Variants in RMP64 observed in about 807,000 individuals in gnomAD.
The protein encoded by RMP64 is ribonuclease MRP subunit p64.
the RMP64 span, chr3:113,013,245 G>A: frequency 1.4e-4 from 225 of 1,606,148 alleles, no homozygotes; most frequent in African/African-American, 2.3e-3. Context: ...ATCAAAAGAA[G>A]GTATATTTCA....
At chr3:113,017,547 C>T in the RMP64 span, 3 of 1,614,006 alleles carry the variant, frequency 1.9e-6, no homozygotes, top group African/African-American at 4.0e-5. Context: ...AGGTTTGGCT[C>T]TTCAGCGACA....
the RMP64 span, chr3:113,013,450 G>A: frequency 2.1e-6 from 3 of 1,442,162 alleles, no homozygotes; most frequent in Admixed American, 2.6e-5. Context: ...AAAAAAAAAG[G>A]GTTTTTTTTT....
chr3:113,019,437 C>T, the RMP64 span: 5 of 904,194 alleles, frequency 5.5e-6, no homozygotes, highest in Non-Finnish European at 8.6e-6. Flanking sequence ...TCCCAGCGTC[C>T]CCCGGGCCGG....
the RMP64 span, chr3:113,005,530 G>A: frequency 7.7e-6 from 12 of 1,554,820 alleles, no homozygotes; most frequent in East Asian, 2.2e-5. Flanking sequence ...ACATATGAAC[G>A]AACATCTAAA....
the RMP64 span, chr3:113,019,662 C>A: frequency 6.2e-7 from 1 of 1,607,278 alleles, no homozygotes; most frequent in Non-Finnish European, 8.5e-7. Flanking sequence ...GGCGGGGGGA[C>A]TTACGAAAGG....
At chr3:113,008,477 T>C in the RMP64 span, 6 of 1,496,236 alleles carry the variant, frequency 4.0e-6, no homozygotes, top group South Asian at 1.2e-5. Flanking sequence ...TGTTACTGAC[T>C]TGTAATTATA....
the RMP64 span, chr3:113,019,455 C>T: frequency 8.8e-7 from 1 of 1,137,928 alleles, no homozygotes; most frequent in Non-Finnish European, 1.3e-6. Context: ...CGGGAAGTCC[C>T]GGTACCACCC....
At chr3:113,011,031 T>G in the RMP64 span, 1 of 1,570,356 alleles carries the variant, frequency 6.4e-7, no homozygotes, top group Non-Finnish European at 8.6e-7. Context: ...ATGTGCTGTA[T>G]CAAAGCAAAT....
the RMP64 span, among the ~76,000 whole-genome samples, chr3:113,018,224 A>G: frequency 1.0e-3 from 152 of 152,310 alleles, 1 homozygote; most frequent in Middle Eastern, 3.4e-3. Flanking sequence ...TGTGTTATTT[A>G]TGGCTCTAAA....
the RMP64 span, chr3:113,012,722 G>A: frequency 6.9e-7 from 1 of 1,451,474 alleles, no homozygotes; most frequent in South Asian, 1.1e-5. Flanking sequence ...GATGTCAGAG[G>A]TATGTACATA....
At chr3:113,017,380 T>C in the RMP64 span, 5 of 1,280,826 alleles carry the variant, frequency 3.9e-6, no homozygotes, top group South Asian at 1.4e-5. Context: ...AATAGCAATA[T>C]AGTAAGTGGC....
the RMP64 span, chr3:113,014,052 T>C: frequency 1.3e-6 from 2 of 1,530,030 alleles, no homozygotes; most frequent in Non-Finnish European, 1.8e-6. Flanking sequence ...GAAGAGCAGT[T>C]CAAATTCATG....
chr3:113,018,601 A>C, the RMP64 span, among the ~76,000 whole-genome samples: 1 of 152,086 alleles, frequency 6.6e-6, no homozygotes, highest in Non-Finnish European at 1.5e-5. Flanking sequence ...GTCTCTAGTG[A>C]AAAGAGGGAT....
At chr3:113,006,205 C>T in the RMP64 span, among the ~76,000 whole-genome samples, 9 of 151,968 alleles carry the variant, frequency 5.9e-5, no homozygotes, top group African/African-American at 1.7e-4. Context: ...GAAGTGTAGA[C>T]GAATGTGTCC....
the RMP64 span, chr3:113,013,827 A>G: frequency 2.7e-6 from 2 of 741,248 alleles, no homozygotes; most frequent in African/African-American, 1.8e-5. Context: ...CATTAAAACA[A>G]AATTTATACA....
the RMP64 span, chr3:113,008,066 G>A: frequency 5.7e-5 from 57 of 996,924 alleles, no homozygotes; most frequent in African/African-American, 9.7e-5. Flanking sequence ...ATTTAGCCCC[G>A]CTGCGGCTGC....
At chr3:113,012,830 G>A in the RMP64 span, 1 of 1,470,210 alleles carries the variant, frequency 6.8e-7, no homozygotes, top group Non-Finnish European at 9.5e-7. Flanking sequence ...TCAATTTAAG[G>A]TAGAAAACAA....
chr3:113,005,073 C>A, the RMP64 span: 1 of 168,026 alleles, frequency 6.0e-6, no homozygotes. Flanking sequence ...GAGCTACAAA[C>A]TTTAGTATTC....
chr3:113,008,083 TCA>T, the RMP64 span: 1 of 1,251,338 alleles, frequency 8.0e-7, no homozygotes, highest in East Asian at 2.3e-5. Context: ...CTGCTGGACA[TCA>T]CATTTTAAAG....
Sources: gnomAD v4.1 joint callset for allele counts (sites outside exome capture counted in the v4.1 genomes callset) on GRCh38, gnomAD v4.1.1 for gene constraint, MANE v1.5 for transcripts, NCBI Gene and HGNC (gene_info 2026-07-23, HGNC 2026-07-21) for gene names.